Variants in FAF2 observed in about 807,000 individuals in gnomAD.
FAF2 encodes the protein Fas associated factor family member 2.
In FAF2, 9 loss-of-function variants were observed where a neutral mutation model predicts 62.3. The observed-to-expected ratio is 0.14, with a 90% confidence interval of 0.09 to 0.25. The LOEUF (loss-of-function observed/expected upper bound fraction) is 0.25. Ranked by LOEUF, FAF2 falls within the 10% of genes least tolerant of loss-of-function variation. FAF2 has a pLI of 1.00. For synonymous variants in FAF2, 202 were observed against 198.0 expected (o/e 1.02, Z -0.17); for missense variants, 368 against 556.2 (o/e 0.66, Z 3.40).
chr5:176,477,598 C>G (rs1036332556), intron 1 of FAF2, among the ~76,000 whole-genome samples: 1 of 152,172 alleles, frequency 6.6e-6, no homozygotes, highest in Non-Finnish European at 1.5e-5. Context: ...AGGAACTTTT[C>G]TATTTCAGCA....
chr5:176,449,440 TG>T (rs1161196593), intron 1 of FAF2, among the ~76,000 whole-genome samples: 3 of 152,078 alleles, frequency 2.0e-5, no homozygotes, highest in Non-Finnish European at 4.4e-5. Flanking sequence ...CCGGGCGTGG[TG>T]GTGCACGCCT....
At chr5:176,462,569 A>G (rs772645283) in intron 1 of FAF2, among the ~76,000 whole-genome samples, 2 of 152,172 alleles carry the variant, frequency 1.3e-5, no homozygotes, top group Non-Finnish European at 2.9e-5. Context: ...GGTTGCAGTG[A>G]GCCGAGATCG....
chr5:176,494,027 G>A lies in FAF2; in HGVS notation c.512G>A (p.Arg171His), dbSNP rs146584253. The A allele has an allele frequency of 1.4e-5, 23 of 1,613,770 alleles. No homozygotes were observed. Among genetic ancestry groups the A allele is most frequent in the Non-Finnish European group, 1.8e-5 (21 of 1,179,914 alleles). Residue 171 changes from arginine (R) to histidine (H), a missense_variant, in exon 6 of 11, where the codon CGC becomes CAC. By Grantham distance (29) the Arg-to-His change is conservative. Coordinates refer to ENST00000261942, the MANE Select transcript of FAF2 (RefSeq NM_014613.3). This position sits in a 1 kb window ranked among gnomAD's most constrained non-coding sequence, Gnocchi z 4.0. ...CTTAACGATGCCAAAAGGGAGCTTC[G>A]CTTTCTTTTGGTTTATCTTCATGGA... ...QALNDAKREL[R>H]FLLVYLHGDD...
At chr5:176,498,027 G>A (rs1021460779) in intron 8 of FAF2, among the ~76,000 whole-genome samples, 1 of 152,278 alleles carries the variant, frequency 6.6e-6, no homozygotes, top group Non-Finnish European at 1.5e-5. Context: ...GCACACGCCT[G>A]TAAGCTGAGG....
At chr5:176,449,151 A>G (rs1005809596) in intron 1 of FAF2, among the ~76,000 whole-genome samples, 4 of 152,192 alleles carry the variant, frequency 2.6e-5, no homozygotes, top group Non-Finnish European at 5.9e-5. Context: ...TTAATACAAG[A>G]TGTTGTATTA....
At position 176,480,813 on chromosome 5, in the gene FAF2, TG is replaced by T. The variant is rs1342101003; in HGVS notation, c.132+1563del. Among the ~76,000 whole-genome samples the T allele has an allele frequency of 5.2e-3, 86 of 16,456 alleles. 1 individual carries two copies. Among genetic ancestry groups the T allele is most frequent in the Admixed American group, 0.035 (61 of 1,720 alleles). 10.8% of individuals were successfully genotyped at this position (16,456 alleles called of 152,430 possible). The stretch of plus-strand genomic sequence containing the variant: ...CGGGGCCTCTCGGGGGGTGGGGGGC[TG>T]GGGGGCTAGGGGAGGGATAGCATTA... On this transcript the variant is annotated intron_variant, in intron 2 of 10. Transcript: ENST00000261942.
intron 2 of FAF2, among the ~76,000 whole-genome samples, chr5:176,483,416 G>T (rs1758816202): frequency 6.6e-6 from 1 of 152,124 alleles, no homozygotes; most frequent in Admixed American, 6.5e-5. Flanking sequence ...TGATGTATTT[G>T]ATGTATTTGT....
At chr5:176,470,143 T>G (rs1480649948) in intron 1 of FAF2, among the ~76,000 whole-genome samples, 1 of 152,152 alleles carries the variant, frequency 6.6e-6, no homozygotes, top group African/African-American at 2.4e-5. Context: ...GTAAAAGAGG[T>G]TGAATCAAGC....
At chr5:176,481,200 C>A (rs1429233023) in intron 2 of FAF2, among the ~76,000 whole-genome samples, 1 of 152,058 alleles carries the variant, frequency 6.6e-6, no homozygotes, top group Non-Finnish European at 1.5e-5. Context: ...GTGTGCACCA[C>A]CACGCCCGGC....
intron 5 of FAF2, 132 bp downstream of exon 5, chr5:176,492,464 T>G (rs1468414411): frequency 1.3e-5 from 13 of 1,022,964 alleles, no homozygotes; most frequent in East Asian, 8.7e-5. Flanking sequence ...CTTATAGGGG[T>G]GGGTAATAAA....
At chr5:176,504,194 G>T (rs1040262397) in intron 10 of FAF2, among the ~76,000 whole-genome samples, 1 of 151,672 alleles carries the variant, frequency 6.6e-6, no homozygotes, top group Non-Finnish European at 1.5e-5. Flanking sequence ...GTATTTTTTT[G>T]GCCAGGCATG....
chr5:176,483,262 A>G (rs1484759056), intron 2 of FAF2, among the ~76,000 whole-genome samples: 2 of 152,014 alleles, frequency 1.3e-5, no homozygotes, highest in Admixed American at 1.3e-4. Flanking sequence ...TTTCGTTTTG[A>G]TGAAGTCCAA....
intron 10 of FAF2, among the ~76,000 whole-genome samples, chr5:176,504,801 G>A (rs974819057): frequency 3.3e-5 from 5 of 152,050 alleles, no homozygotes; most frequent in Admixed American, 6.6e-5. Context: ...TTTAAATTCT[G>A]GATTATAGCC....
chr5:176,467,129 CTTTTTTTTT>C (rs374702773), intron 1 of FAF2, among the ~76,000 whole-genome samples: 134 of 94,050 alleles, frequency 1.4e-3, no homozygotes, highest in African/African-American at 5.1e-3. Context: ...TTTTTTTTTC[CTTTTTTTTT>C]TTTTTTTTTT....
At chr5:176,455,799 C>A (rs1474146924) in intron 1 of FAF2, among the ~76,000 whole-genome samples, 1 of 150,430 alleles carries the variant, frequency 6.6e-6, no homozygotes, top group Non-Finnish European at 1.5e-5. Flanking sequence ...CTAGTGGATT[C>A]ATTCCCTAAA....
At chr5:176,468,187 G>A (rs1758505700) in intron 1 of FAF2, among the ~76,000 whole-genome samples, 1 of 152,110 alleles carries the variant, frequency 6.6e-6, no homozygotes, top group East Asian at 1.9e-4. Flanking sequence ...AGAAACTAGA[G>A]AGATATAAAC....
At chr5:176,483,534 G>A in intron 2 of FAF2, among the ~76,000 whole-genome samples, 1 of 152,122 alleles carries the variant, frequency 6.6e-6, no homozygotes, top group East Asian at 1.9e-4. Context: ...TTTCCTCGTT[G>A]AATTGTAAAA....
chr5:176,459,392 C>T (rs941090020), intron 1 of FAF2, among the ~76,000 whole-genome samples: 11 of 151,510 alleles, frequency 7.3e-5, no homozygotes, highest in Non-Finnish European at 1.2e-4. Flanking sequence ...CCAAGTAGCT[C>T]GAACTACAGG....
chr5:176,487,205 G>A (rs2113737702), intron 3 of FAF2, among the ~76,000 whole-genome samples: 1 of 152,200 alleles, frequency 6.6e-6, no homozygotes, highest in African/African-American at 2.4e-5. Flanking sequence ...TTCTGTTTGA[G>A]ACAGGGTCTC....
Sources: allele counts gnomAD v4.1 joint callset (sites outside exome capture counted in the v4.1 genomes callset), GRCh38; gene constraint gnomAD v4.1.1; non-coding constraint Gnocchi (gnomAD v3.1); transcripts MANE v1.5; gene names NCBI Gene and HGNC (gene_info 2026-07-23, HGNC 2026-07-21).